The following PARD3B variants were observed in gnomAD, a reference collection of about 807,000 sequenced individuals.
PARD3B encodes partitioning defective 3 homolog B.
In PARD3B, 103 loss-of-function variants were observed where a neutral mutation model predicts 130.2. The observed-to-expected ratio is 0.79, with a 90% CI of 0.67 to 0.93. The LOEUF (loss-of-function observed/expected upper bound fraction) is 0.93, where lower values mean the gene tolerates loss of function less well. PARD3B is among the 40% of genes least tolerant of loss of function. The probability of loss-of-function intolerance (pLI) is 0.00; values close to 1 mark genes in which losing one functional copy is unlikely to be tolerated. For missense variants in PARD3B, 1,609 were observed against 1,499.2 expected, an observed-to-expected ratio of 1.07 and a Z score of -1.21; for synonymous variants, 583 against 553.2, an observed-to-expected ratio of 1.05 and a Z score of -0.76.
intron 18 of PARD3B, among the ~76,000 whole-genome samples, chr2:205,381,586 A>T (rs1463642018): frequency 6.6e-6 from 1 of 151,980 alleles, no homozygotes; most frequent in East Asian, 1.9e-4. Flanking sequence ...GTTTTAGAGT[A>T]ATCCTTCCAG....
At chr2:204,861,770 A>G (rs550651470) in intron 2 of PARD3B, among the ~76,000 whole-genome samples, 1 of 152,194 alleles carries the variant, frequency 6.6e-6, no homozygotes, top group South Asian at 2.1e-4. Context: ...GCAAGAGGGA[A>G]GCATGCAGAT....
At chr2:205,350,900 A>C (rs1259132920) in intron 18 of PARD3B, among the ~76,000 whole-genome samples, 1 of 152,088 alleles carries the variant, frequency 6.6e-6, no homozygotes, top group African/African-American at 2.4e-5. Context: ...CTCGTTTTTA[A>C]TTATTATTAA....
At chr2:204,780,690 T>G (rs1574967031) in intron 2 of PARD3B, among the ~76,000 whole-genome samples, 1 of 152,104 alleles carries the variant, frequency 6.6e-6, no homozygotes, top group East Asian at 1.9e-4. Context: ...GCATAGAAGC[T>G]ACGTATCTGA....
rs80299482 is a variant in PARD3B, at chr2:205,301,392, T to A, written c.2393-72T>A. The A allele has an allele frequency of 1.3e-6, 2 of 1,542,094 alleles. No homozygotes were observed. Among genetic ancestry groups the A allele is most frequent in the Admixed American group, 4.3e-5 (2 of 46,090 alleles). Reference sequence around the variant, plus strand: ...GTTATTCATTCTTTTGCATTTTACATGTTAGCGTTTCTCTGTATACTAACT... The same window carrying A: ...GTTATTCATTCTTTTGCATTTTACAAGTTAGCGTTTCTCTGTATACTAACT... On this transcript the variant is annotated intron_variant, in intron 17 of 22. Coordinates refer to ENST00000406610, the MANE Select transcript of PARD3B (RefSeq NM_001302769.2). This position sits in a 1 kb window ranked among gnomAD's most constrained non-coding sequence, Gnocchi z 5.2.
intron 18 of PARD3B, among the ~76,000 whole-genome samples, chr2:205,387,445 A>G (rs2045701293): frequency 6.6e-6 from 1 of 152,112 alleles, no homozygotes; most frequent in East Asian, 1.9e-4. Context: ...TAGAACTGAG[A>G]TAATGGGTGG....
chr2:205,560,650 G>C (rs1400421641), intron 22 of PARD3B, among the ~76,000 whole-genome samples: 1 of 152,196 alleles, frequency 6.6e-6, no homozygotes, highest in African/African-American at 2.4e-5. Context: ...AGGCTGATGA[G>C]GGACAAAGGC....
At chr2:204,918,865 T>C (rs564037033) in intron 2 of PARD3B, among the ~76,000 whole-genome samples, 2 of 152,012 alleles carry the variant, frequency 1.3e-5, no homozygotes, top group East Asian at 3.9e-4. Context: ...TTCGTCTGTG[T>C]TTCTGGTGAT....
chr2:204,981,991 A>C (rs1310054299), intron 3 of PARD3B, among the ~76,000 whole-genome samples: 1 of 152,188 alleles, frequency 6.6e-6, no homozygotes, highest in Non-Finnish European at 1.5e-5. Context: ...ATGTACACAC[A>C]CACATATATA....
chr2:204,886,927 A>G (rs1310556653), intron 2 of PARD3B, among the ~76,000 whole-genome samples: 2 of 152,214 alleles, frequency 1.3e-5, no homozygotes, highest in Non-Finnish European at 2.9e-5. Flanking sequence ...CCTAATGACC[A>G]TGACTGCCTA....
chr2:205,452,319 T>C (rs1360033132), intron 20 of PARD3B, among the ~76,000 whole-genome samples: 1 of 152,240 alleles, frequency 6.6e-6, no homozygotes, highest in Non-Finnish European at 1.5e-5. Flanking sequence ...TTTAGTTTAA[T>C]AGCATTTTGT....
chr2:204,730,580 A>G (rs1372180949), intron 2 of PARD3B, among the ~76,000 whole-genome samples: 1 of 134,282 alleles, frequency 7.4e-6, no homozygotes, highest in African/African-American at 3.3e-5. Context: ...GGGTAAAAAA[A>G]AAAAGAAAAA....
At chr2:205,576,182 G>A (rs2053752429) in intron 22 of PARD3B, among the ~76,000 whole-genome samples, 1 of 152,068 alleles carries the variant, frequency 6.6e-6, no homozygotes, top group African/African-American at 2.4e-5. Context: ...TCTTTGATGA[G>A]GTGTCTGTTA....
At chr2:205,431,205 T>C (rs1168454871) in intron 19 of PARD3B, among the ~76,000 whole-genome samples, 4 of 152,222 alleles carry the variant, frequency 2.6e-5, no homozygotes, top group East Asian at 1.9e-4. Flanking sequence ...GCCTCCCAAG[T>C]AGCTGGGATT....
At chr2:204,853,124 G>T (rs1383015655) in intron 2 of PARD3B, among the ~76,000 whole-genome samples, 2 of 151,680 alleles carry the variant, frequency 1.3e-5, no homozygotes, top group Non-Finnish European at 2.9e-5. Flanking sequence ...TTTTTTTAAT[G>T]ATTATCACCA....
At chr2:205,408,676 A>G (rs78514894) in intron 19 of PARD3B, among the ~76,000 whole-genome samples, 4,368 of 152,262 alleles carry the variant, frequency 0.029, 198 homozygotes, top group African/African-American at 0.099. Context: ...TTTGCCAAGC[A>G]ATTCTCAATA....
chr2:204,653,705 T>A (rs1339639675), intron 1 of PARD3B, among the ~76,000 whole-genome samples: 1 of 148,088 alleles, frequency 6.8e-6, no homozygotes, highest in East Asian at 2.0e-4. Context: ...ACAGGAGAAT[T>A]GCTTGAACCC....
At chr2:204,616,938 C>T (rs1021274828) in intron 1 of PARD3B, among the ~76,000 whole-genome samples, 6 of 152,094 alleles carry the variant, frequency 3.9e-5, no homozygotes, top group Admixed American at 1.3e-4. Flanking sequence ...TAAGTTCTTT[C>T]GTCCCTTAAA....
chr2:205,236,209 C>G (rs1031928128), intron 15 of PARD3B, among the ~76,000 whole-genome samples: 3 of 152,150 alleles, frequency 2.0e-5, no homozygotes, highest in African/African-American at 7.2e-5. Context: ...AATACTTTCT[C>G]ACACAGGAAA....
Position 205,576,189 on chromosome 2 carries a change from G to T in PARD3B, c.3260+22786G>T, listed in dbSNP as rs544489961. 5.9e-5 allele frequency among the ~76,000 whole-genome samples: 9 copies of T among 152,218 alleles called. 1 individual carries two copies. The highest frequency in any genetic ancestry group is 2.2e-4 in the African/African-American group (9 of 41,552). On this transcript the variant is annotated intron_variant, in intron 22 of 22. Coordinates refer to ENST00000406610, the MANE Select transcript of PARD3B (RefSeq NM_001302769.2). Reference sequence around the variant, plus strand: ...GTATATCTTCTTTGATGAGGTGTCTGTTAAGGTCTTTGGCCCATTTTGTAA... The same window carrying T: ...GTATATCTTCTTTGATGAGGTGTCTTTTAAGGTCTTTGGCCCATTTTGTAA...
Sources: gnomAD v4.1 joint callset for allele counts (sites outside exome capture counted in the v4.1 genomes callset) on GRCh38, gnomAD v4.1.1 for gene constraint, Gnocchi (gnomAD v3.1) non-coding constraint, MANE v1.5 for transcripts, NCBI Gene and HGNC (gene_info 2026-07-23, HGNC 2026-07-21) for gene names.